The following GPATCH8 variants were observed in gnomAD, a reference collection of about 807,000 sequenced individuals.
The protein encoded by GPATCH8 is G-patch domain containing 8.
GPATCH8 carries 18 observed loss-of-function variants against 118.3 expected under a neutral mutation model. The observed-to-expected ratio is 0.15, with a 90% CI of 0.11 to 0.23. GPATCH8 has a LOEUF of 0.23. GPATCH8 is among the 10% of genes least tolerant of loss of function. The pLI is 1.00. For synonymous variants in GPATCH8, 659 were observed against 684.7 expected (o/e 0.96, Z 0.59); for missense variants, 1,631 against 1,873.8 (o/e 0.87, Z 2.39).
intron 3 of GPATCH8, among the ~76,000 whole-genome samples, chr17:44,448,503 A>AG (rs35585514): frequency 0.021 from 1,351 of 63,672 alleles, 73 homozygotes; most frequent in African/African-American, 0.036. Context: ...AAAAAAAAAA[A>AG]GGGGGGGGGG....
intron 3 of GPATCH8, among the ~76,000 whole-genome samples, chr17:44,454,365 C>CCT (rs2051247983): frequency 6.6e-6 from 1 of 152,138 alleles, no homozygotes; most frequent in South Asian, 2.1e-4. Flanking sequence ...TCAACTGATC[C>CCT]CTCTGCCTTA....
Position 44,399,213 on chromosome 17 carries a change from C to T in GPATCH8, c.2864G>A (p.Arg955Lys), listed in dbSNP as rs2048907432. Reference sequence around the variant, plus strand: ...GCTGCTGCGGCTGCGGCCCCGGGATCTTGAGCGCTCTCTGGTATGACTCCG... The same window carrying T: ...GCTGCTGCGGCTGCGGCCCCGGGATTTTGAGCGCTCTCTGGTATGACTCCG... ...RSRSHTRERS[R>K]SRGRSRSSSC... Residue 955 changes from arginine to lysine, a missense_variant, in exon 8 of 8, where the codon AGA becomes AAA. Coordinates refer to ENST00000591680, the MANE Select transcript of GPATCH8 (RefSeq NM_001002909.4). 6.2e-7 allele frequency: 1 copy of T among 1,613,958 alleles called. No individual in the cohort carries two copies. The highest frequency in any genetic ancestry group is 8.5e-7 in the Non-Finnish European group (1 of 1,179,956).
chr17:44,432,678 A>G (rs1240140913), intron 5 of GPATCH8, among the ~76,000 whole-genome samples: 1 of 152,106 alleles, frequency 6.6e-6, no homozygotes, highest in Non-Finnish European at 1.5e-5. Context: ...ATTAAGGAGG[A>G]GCTAAGTTAC....
At chr17:44,427,821 TA>T (rs974629603) in intron 5 of GPATCH8, among the ~76,000 whole-genome samples, 12 of 152,230 alleles carry the variant, frequency 7.9e-5, no homozygotes, top group Admixed American at 1.3e-4. Flanking sequence ...GCTAGCTTTT[TA>T]TTGCTTATAG....
intron 7 of GPATCH8, among the ~76,000 whole-genome samples, chr17:44,404,599 T>A (rs1006979101): frequency 6.6e-5 from 10 of 152,158 alleles, no homozygotes; most frequent in Non-Finnish European, 1.5e-4. Context: ...CTTATCTCTA[T>A]CTTACAGATA....
At chr17:44,478,345 T>C (rs1384168710) in intron 1 of GPATCH8, among the ~76,000 whole-genome samples, 3 of 152,290 alleles carry the variant, frequency 2.0e-5, no homozygotes, top group Middle Eastern at 3.4e-3. Flanking sequence ...TACAGGTCTA[T>C]ACAATTTAAT....
chr17:44,494,389 C>T (rs568185845), intron 1 of GPATCH8, among the ~76,000 whole-genome samples: 4 of 152,124 alleles, frequency 2.6e-5, no homozygotes, highest in South Asian at 2.1e-4. Flanking sequence ...GTCAGGAGTT[C>T]GCGACCAGCC....
intron 3 of GPATCH8, among the ~76,000 whole-genome samples, chr17:44,444,515 G>A (rs1252190479): frequency 1.3e-5 from 2 of 152,092 alleles, no homozygotes; most frequent in African/African-American, 4.8e-5. Flanking sequence ...GCTCACGGCT[G>A]TAATCCCAGC....
At chr17:44,415,484 A>G (rs2049641697) in intron 6 of GPATCH8, among the ~76,000 whole-genome samples, 1 of 152,180 alleles carries the variant, frequency 6.6e-6, no homozygotes, top group Non-Finnish European at 1.5e-5. Flanking sequence ...AAAAACTTTC[A>G]GATTTTGAAA....
chr17:44,412,230 T>A (rs900612216), intron 6 of GPATCH8, among the ~76,000 whole-genome samples: 7 of 151,914 alleles, frequency 4.6e-5, no homozygotes, highest in East Asian at 1.9e-4. Flanking sequence ...GCCAAAAAAA[T>A]TTTTTTAAAT....
At chr17:44,435,850 T>C (rs2050491649) in intron 4 of GPATCH8, among the ~76,000 whole-genome samples, 2 of 149,544 alleles carry the variant, frequency 1.3e-5, no homozygotes, top group Admixed American at 6.6e-5. Flanking sequence ...GATGAAACCC[T>C]GTTTCTACTA....
chr17:44,470,786 G>A, intron 2 of GPATCH8, among the ~76,000 whole-genome samples: 1 of 152,222 alleles, frequency 6.6e-6, no homozygotes, highest in East Asian at 1.9e-4. Flanking sequence ...GGGATTACAG[G>A]CGTGAGCCCC....
In GPATCH8 at chr17:44,436,953, A is replaced by G. The variant is rs545178815; in HGVS notation, c.194-408T>C. On this transcript the variant is annotated intron_variant, in intron 3 of 7. Coordinates refer to ENST00000591680, the MANE Select transcript of GPATCH8 (RefSeq NM_001002909.4). The stretch of plus-strand genomic sequence containing the variant: ...AACTTTTTAACCTAGTTTAAAAAAA[A>G]AAATCTCAACTGGCATGGTTAAATA... Among the ~76,000 whole-genome samples the G allele has an allele frequency of 2.0e-5, 3 of 152,310 alleles. No homozygotes were observed. The South Asian group carries it at 6.2e-4, about 32-fold the overall frequency.
At position 44,398,358 on chromosome 17, in the gene GPATCH8, G is replaced by A. The variant is rs769419684; in HGVS notation, c.3719C>T (p.Ser1240Phe). Residue 1240 changes from serine to phenylalanine, a missense_variant, in exon 8 of 8, where the codon TCC becomes TTC. This residue lies in a region of GPATCH8 where 922 missense variants were observed against 879.7 expected (regional missense o/e 1.05). Coordinates refer to ENST00000591680, the MANE Select transcript of GPATCH8 (RefSeq NM_001002909.4). ...SDCYPGDPTI[S>F]HNYLPDPSDG... ...ACTGGGGTCGGGGAGGTAGTTATGGGAGATGGTTGGGTCCCCAGGGTAGCA... is the reference window on the plus strand; with the variant it reads ...ACTGGGGTCGGGGAGGTAGTTATGGAAGATGGTTGGGTCCCCAGGGTAGCA... 2 of 1,614,134 alleles carry A rather than the reference G, an allele frequency of 1.2e-6. No individual in the cohort carries two copies. The highest frequency in any genetic ancestry group is 1.7e-6 in the Non-Finnish European group (2 of 1,179,998).
intron 2 of GPATCH8, among the ~76,000 whole-genome samples, chr17:44,466,633 A>C (rs2051775950): frequency 6.6e-6 from 1 of 152,158 alleles, no homozygotes; most frequent in East Asian, 1.9e-4. Context: ...CCTAAAACAG[A>C]AAAGATTAAA....
chr17:44,428,221 G>A (rs896875860), intron 5 of GPATCH8, among the ~76,000 whole-genome samples: 27 of 152,076 alleles, frequency 1.8e-4, no homozygotes, highest in Admixed American at 3.3e-4. Context: ...GGCTGGGTGC[G>A]GTGGCTCATT....
intron 5 of GPATCH8, among the ~76,000 whole-genome samples, chr17:44,428,308 C>G (rs778319833): frequency 1.3e-5 from 2 of 151,660 alleles, no homozygotes; most frequent in African/African-American, 4.9e-5. Context: ...GCCTGACCAA[C>G]GTGATGAAAC....
intron 3 of GPATCH8, chr17:44,436,843 T>C (rs2050529700): frequency 5.6e-6 from 2 of 357,454 alleles, no homozygotes; most frequent in Non-Finnish European, 5.2e-6. Context: ...GTTTAAATTG[T>C]AAAACTTTAA....
intron 6 of GPATCH8, among the ~76,000 whole-genome samples, chr17:44,417,293 GT>G (rs561260841): frequency 2.4e-3 from 365 of 152,328 alleles, no homozygotes; most frequent in African/African-American, 8.7e-3. Context: ...GTTGCAAACA[GT>G]TTAGACAAAG....
Sources: gnomAD v4.1 joint callset for allele counts (sites outside exome capture counted in the v4.1 genomes callset) on GRCh38, gnomAD v4.1.1 for gene constraint, gnomAD v4.1.1 regional missense constraint, MANE v1.5 for transcripts, NCBI Gene and HGNC (gene_info 2026-07-23, HGNC 2026-07-21) for gene names.